HERC1: variants seen among roughly 807,000 people sequenced by gnomAD.
HERC1 encodes HECT and RLD domain containing E3 ubiquitin protein ligase family member 1.
HERC1 carries 160 observed loss-of-function variants against 554.3 expected under a neutral mutation model. The ratio of observed to expected loss-of-function variants is 0.29; its 90% CI spans 0.25 to 0.33. The LOEUF (loss-of-function observed/expected upper bound fraction) is 0.33, where lower values mean the gene tolerates loss of function less well. Ranked by LOEUF, HERC1 falls within the 10% of genes least tolerant of loss-of-function variation. The probability of loss-of-function intolerance (pLI) is 1.00; values close to 1 mark genes in which losing one functional copy is unlikely to be tolerated. For missense variants in HERC1, 4,919 were observed against 5,918.5 expected, an observed-to-expected ratio of 0.83 and a Z score of 5.54; for synonymous variants, 2,175 against 2,131.7, an observed-to-expected ratio of 1.02 and a Z score of -0.56.
In HERC1 at chr15:63,678,487, T is replaced by C. The variant is rs548008296; in HGVS notation, c.6550-122A>G. On this transcript the variant is annotated intron_variant, in intron 36 of 77. Transcript: ENST00000443617. ...TTTGGGTCTCTTCATACATGTGAAT[T>C]ATACCAACTGGCCCCCAAAGAGTAA... is the stretch of plus-strand genomic sequence containing the variant. 3.8e-5 allele frequency: 44 copies of C among 1,145,274 alleles called. No homozygotes were observed. In the East Asian group the frequency reaches 1.1e-3, roughly 29 times the overall value. The allele number at this position is 1,145,274 out of a possible 1,614,324, so 70.9% of individuals were successfully genotyped here.
At chr15:63,645,165 G>A in intron 56 of HERC1, 68 bp from the exon 57 acceptor site, 3 of 1,142,674 alleles carry the variant, frequency 2.6e-6, no homozygotes, top group Non-Finnish European at 4.0e-6. Context: ...TTTCCGAATT[G>A]CAATCAATTA....
intron 54 of HERC1, among the ~76,000 whole-genome samples, chr15:63,649,509 A>G (rs1264143272): frequency 6.6e-6 from 1 of 152,222 alleles, no homozygotes; most frequent in African/African-American, 2.4e-5. Flanking sequence ...ATGTTATAAT[A>G]CTATTAAATC....
Position 63,810,655 on chromosome 15 carries a change from G to C in HERC1, c.-27+23172C>G, listed in dbSNP as rs569777635. Among the ~76,000 whole-genome samples the C allele has an allele frequency of 5.3e-5, 8 of 152,244 alleles. No individual in the cohort carries two copies. In the South Asian group the frequency reaches 1.7e-3, roughly 32 times the overall value. ...TTTTTTAATTTAAAAAAAGGGCAAA[G>C]ATAGTTTTCTATGGATGCTAAAACC... On this transcript the variant is annotated intron_variant, in intron 1 of 77. Coordinates refer to ENST00000443617, the MANE Select transcript of HERC1 (RefSeq NM_003922.4).
intron 47 of HERC1, 46 bp from the exon 48 acceptor site, chr15:63,658,764 A>G: frequency 6.8e-7 from 1 of 1,477,556 alleles, no homozygotes; most frequent in Non-Finnish European, 9.3e-7. Flanking sequence ...TAAGAAAAAA[A>G]TACATCTGAA....
At chr15:63,786,807 T>G (rs960044296) in intron 1 of HERC1, among the ~76,000 whole-genome samples, 2 of 152,098 alleles carry the variant, frequency 1.3e-5, no homozygotes, top group African/African-American at 4.8e-5. Context: ...TGAAAATGTT[T>G]TGGAACTAGA....
Position 63,759,568 on chromosome 15 carries a change from C to G in HERC1, c.1027-1199G>C, listed in dbSNP as rs529778851. The stretch of plus-strand genomic sequence containing the variant: ...TCACATTTCTTTATTGTTAGCAAAA[C>G]TAAAGTTTTTCCATCTATTTGTTTA... On this transcript the variant is annotated intron_variant, in intron 3 of 77. Transcript: ENST00000443617. Among the ~76,000 whole-genome samples the G allele has an allele frequency of 2.0e-5, 3 of 152,290 alleles. No individual in the cohort carries two copies. The East Asian group carries it at 5.8e-4, about 29-fold the overall frequency.
Position 63,652,538 on chromosome 15 carries a change from T to A in HERC1, c.10294A>T (p.Met3432Leu). The A allele has an allele frequency of 1.3e-6, 2 of 1,586,740 alleles. No individual in the cohort carries two copies. Among genetic ancestry groups the A allele is most frequent in the Non-Finnish European group, 1.7e-6 (2 of 1,164,448 alleles). Reference protein sequence around the residue: ...IKLEAHQNRVMTCVWCNKKGL... With the variant: ...IKLEAHQNRVLTCVWCNKKGL... ...TTTTTATTACACCAAACACATGTCATTACCTAGAAAAGTTGAAACAGGTAG... is the reference window on the plus strand; with the variant it reads ...TTTTTATTACACCAAACACATGTCAATACCTAGAAAAGTTGAAACAGGTAG... The change falls in exon 52 of 78, where the codon ATG (methionine) becomes TTG (leucine). Residue 3432 changes from methionine (M) to leucine (L), a missense_variant. Transcript: ENST00000443617.
At chr15:63,786,218 T>A (rs8036037) in intron 1 of HERC1, among the ~76,000 whole-genome samples, 39,752 of 149,424 alleles carry the variant, frequency 0.27, 5,762 homozygotes, top group Middle Eastern at 0.39. Flanking sequence ...GCTATGATTG[T>A]GCCTGAGAAT....
At chr15:63,751,067 G>A (rs2075225706) in intron 8 of HERC1, among the ~76,000 whole-genome samples, 1 of 152,198 alleles carries the variant, frequency 6.6e-6, no homozygotes, top group Non-Finnish European at 1.5e-5. Context: ...TAACGACAGT[G>A]AAATAATGTA....
Position 63,678,241 on chromosome 15 carries a change from C to T in HERC1, c.6674G>A (p.Arg2225Gln), listed in dbSNP as rs199985740. Residue 2225 changes from arginine (R) to glutamine (Q), a missense_variant, in exon 37 of 78, where the codon CGA becomes CAA. Arg to Gln is a conservative substitution (Grantham distance 43, BLOSUM62 1). Around this residue, in one of 11 missense-constraint regions of HERC1, gnomAD observed 1,963 missense variants for 2,228.6 expected, o/e 0.88. Transcript: ENST00000443617. ...ATIQLIRILHRTDRWTYCINK... is the reference protein window; with the variant it reads ...ATIQLIRILHQTDRWTYCINK... The stretch of plus-strand genomic sequence containing the variant: ...AATGCAGTAAGTCCAACGGTCTGTT[C>T]GGTGAAGGATACGGATGAGCTGAAT... 4.2e-5 allele frequency: 68 copies of T among 1,613,666 alleles called. No individual in the cohort carries two copies. Among genetic ancestry groups the T allele is most frequent in the African/African-American group, 2.4e-4 (18 of 74,968 alleles).
chr15:63,779,099 G>A lies in HERC1; in HGVS notation c.-26-3450C>T, dbSNP rs1011644797. Among the ~76,000 whole-genome samples the A allele has an allele frequency of 1.8e-4, 28 of 151,920 alleles. No individual in the cohort carries two copies. The Middle Eastern group carries it at 0.01, about 55-fold the overall frequency. On this transcript the variant is annotated intron_variant, in intron 1 of 77. Coordinates refer to ENST00000443617, the MANE Select transcript of HERC1 (RefSeq NM_003922.4). Reference sequence around the variant, plus strand: ...AATGACATAAAGAAAAATGAAAAGGGTGAGAGAAATAATTAGAAAAAGATA... The same window carrying A: ...AATGACATAAAGAAAAATGAAAAGGATGAGAGAAATAATTAGAAAAAGATA...
chr15:63,688,723 A>T (rs567147479), intron 33 of HERC1, among the ~76,000 whole-genome samples: 91 of 152,332 alleles, frequency 6.0e-4, no homozygotes, highest in African/African-American at 2.1e-3. Flanking sequence ...CCAAGATAGG[A>T]ATTAAGGTAA....
rs149801962 is a variant in HERC1 at position 63,795,024 on chromosome 15, C to T, written c.-26-19375G>A. 1.2e-3 allele frequency among the ~76,000 whole-genome samples: 163 copies of T among 139,284 alleles called. 1 individual carries two copies. Among genetic ancestry groups the T allele is most frequent in the African/African-American group, 4.4e-3 (161 of 36,474 alleles). 91.4% of individuals were successfully genotyped at this position (139,284 alleles called of 152,430 possible). Reference sequence around the variant, plus strand: ...GGGGTTGCAGTTAGCCAAGATTGTGCCACTGCATTCCAGCCCGGGCAACAG... The same window carrying T: ...GGGGTTGCAGTTAGCCAAGATTGTGTCACTGCATTCCAGCCCGGGCAACAG... On this transcript the variant is annotated intron_variant, in intron 1 of 77. Transcript: ENST00000443617.
chr15:63,822,443 G>C (rs568184123), intron 1 of HERC1, among the ~76,000 whole-genome samples: 148 of 152,092 alleles, frequency 9.7e-4, no homozygotes, highest in African/African-American at 3.4e-3. Context: ...AAAATTAGCC[G>C]GGCGTGGTGG....
In HERC1 at chr15:63,640,459, C is replaced by G. The variant is rs1332609048; in HGVS notation, c.11608-14G>C. On this transcript the variant is annotated splice_polypyrimidine_tract_variant and intron_variant, in intron 60 of 77. Transcript: ENST00000443617. ...AACCACATGAGGCTAAAACAAAATA[C>G]AAGGATATAATATGTCAAAGAGTTT... 6 of 1,602,638 alleles carry G rather than the reference C, an allele frequency of 3.7e-6. No homozygotes were observed. In the South Asian group the frequency reaches 6.6e-5, roughly 18 times the overall value.
At chr15:63,788,263 A>G (rs1189287183) in intron 1 of HERC1, among the ~76,000 whole-genome samples, 1 of 152,212 alleles carries the variant, frequency 6.6e-6, no homozygotes, top group Non-Finnish European at 1.5e-5. Context: ...TCTGATACCT[A>G]TATGCCCTCA....
At chr15:63,637,723 T>C in intron 63 of HERC1, 80 bp from the exon 64 acceptor site, 3 of 1,157,094 alleles carry the variant, frequency 2.6e-6, no homozygotes, top group Non-Finnish European at 3.6e-6. Context: ...TGATTCCACG[T>C]ATACATAGAA....
At chr15:63,619,333 C>G (rs1222451954) in intron 74 of HERC1, among the ~76,000 whole-genome samples, 1 of 152,126 alleles carries the variant, frequency 6.6e-6, no homozygotes, top group Non-Finnish European at 1.5e-5. Flanking sequence ...GCCTTGCATC[C>G]CAGGGATGAA....
chr15:63,729,898 G>A (rs549364822), intron 14 of HERC1, among the ~76,000 whole-genome samples: 5 of 151,636 alleles, frequency 3.3e-5, no homozygotes, highest in African/African-American at 4.8e-5. Context: ...GGTGGTGGGT[G>A]CCTGTAATCC....
Sources: gnomAD v4.1 joint callset for allele counts (sites outside exome capture counted in the v4.1 genomes callset) on GRCh38, gnomAD v4.1.1 for gene constraint, gnomAD v4.1.1 regional missense constraint, MANE v1.5 for transcripts, NCBI Gene and HGNC (gene_info 2026-07-23, HGNC 2026-07-21) for gene names.